CMC2: variants seen among roughly 807,000 people sequenced by gnomAD.
CMC2 encodes C-X9-C motif containing 2.
Under a neutral mutation model 7.5 loss-of-function variants are expected in CMC2, and 5 were observed. That is an observed-to-expected ratio of 0.66 (90% CI 0.35 to 1.40). CMC2 has a LOEUF of 1.40. Ranked by LOEUF, CMC2 falls within the 40% of genes most tolerant of loss-of-function variation. CMC2 has a pLI of 0.04. For missense variants in CMC2, 115 were observed against 92.3 expected (o/e 1.25, Z -1.01); for synonymous variants, 37 against 31.4 (o/e 1.18, Z -0.60).
chr16:80,971,575 TATATATATATGTATGAAATCATGC>T lies in CMC2; in HGVS notation c.*4494_*4517del, dbSNP rs1490950633. ...GACATACATACATTTTATATATATA[TATATATATATGTATGAAATCATGC>T]ATATATATATATGTATGAAATCATG... On this transcript the variant is annotated 3_prime_UTR_variant, in exon 4 of 4. Transcript: ENST00000219400. The T allele has an allele frequency of 3.3e-4, 47 of 140,612 alleles. 2 individuals are homozygous for T. The highest frequency in any genetic ancestry group is 1.2e-3 in the African/African-American group (42 of 35,744). The allele number at this position is 140,612 out of a possible 1,614,324, so 8.7% of individuals were successfully genotyped here.
At chr16:80,990,099 T>TC (rs1253093796) in intron 2 of CMC2, among the ~76,000 whole-genome samples, 1 of 82,934 alleles carries the variant, frequency 1.2e-5, no homozygotes, top group East Asian at 3.0e-4. Flanking sequence ...TTTTTTTCAT[T>TC]CCCTCCCCTT....
At chr16:80,997,005 T>C (rs1968471854) in intron 2 of CMC2, 1 of 481,206 alleles carries the variant, frequency 2.1e-6, no homozygotes, top group Non-Finnish European at 4.0e-6. Context: ...GCGCTGAATA[T>C]AACTGTTCTA....
intron 2 of CMC2, among the ~76,000 whole-genome samples, chr16:80,988,803 A>G (rs1326140624): frequency 1.6e-5 from 1 of 64,198 alleles, no homozygotes; most frequent in Non-Finnish European, 5.7e-5. Context: ...ACGTCTTTTT[A>G]GTCTTTTTTT....
Position 80,973,398 on chromosome 16 carries a change from A to G in CMC2, c.*2695T>C, listed in dbSNP as rs915166889. 1.3e-5 allele frequency: 2 copies of G among 152,180 alleles called. No individual in the cohort carries two copies. The highest frequency in any genetic ancestry group is 4.8e-5 in the African/African-American group (2 of 41,426). 9.4% of individuals were successfully genotyped at this position (152,180 alleles called of 1,614,324 possible). On this transcript the variant is annotated 3_prime_UTR_variant, in exon 4 of 4. Coordinates refer to ENST00000219400, the MANE Select transcript of CMC2 (RefSeq NM_020188.5). ...TTTGGGTGCACTTGAGAGAAAAACA[A>G]TATTGAGGGGGCCCTTACTTTGTGC...
At chr16:80,982,167 A>C (rs1036034263) in intron 2 of CMC2, among the ~76,000 whole-genome samples, 5 of 152,208 alleles carry the variant, frequency 3.3e-5, no homozygotes, top group African/African-American at 1.2e-4. Context: ...GCCTAGAAAT[A>C]TCAAAAAAAT....
intron 2 of CMC2, chr16:80,991,640 CAAA>C (rs35116527): frequency 1.8e-4 from 32 of 177,900 alleles, no homozygotes; most frequent in East Asian, 1.5e-3. Context: ...ACCCTGTCTC[CAAA>C]AAAAAAAAAG....
rs1160088126 is a variant in CMC2 at position 80,979,090 on chromosome 16, A to AAT, written c.153+2715_153+2716insAT. On this transcript the variant is annotated intron_variant, in intron 3 of 3. Coordinates refer to ENST00000219400, the MANE Select transcript of CMC2 (RefSeq NM_020188.5). Reference sequence around the variant, plus strand: ...AGTGAGACTCTGGCAAAAAAAATAAAAAAATAAAAAAGCTTCATGGAATGA... The same window carrying AAT: ...AGTGAGACTCTGGCAAAAAAAATAAAATAAAATAAAAAAGCTTCATGGAATGA... 4.4e-3 allele frequency among the ~76,000 whole-genome samples: 675 copies of AAT among 151,996 alleles called. 7 individuals are homozygous for AAT. The highest frequency in any genetic ancestry group is 0.015 in the African/African-American group (626 of 41,318).
chr16:80,992,018 C>A lies in CMC2; in HGVS notation c.81+5296G>T, dbSNP rs1968035718. On this transcript the variant is annotated intron_variant, in intron 2 of 3. Coordinates refer to ENST00000219400, the MANE Select transcript of CMC2 (RefSeq NM_020188.5). The stretch of plus-strand genomic sequence containing the variant: ...CTGAAGCAATCTGAGTAAGCATGGA[C>A]TTTAAATAACGATCATGTATCAATA... 4.6e-6 allele frequency: 2 copies of A among 439,408 alleles called. 1 individual carries two copies. The highest frequency in any genetic ancestry group is 6.7e-4 in the Middle Eastern group (2 of 2,974). The allele number at this position is 439,408 out of a possible 1,614,324, so 27.2% of individuals were successfully genotyped here.
chr16:81,000,814 T>C (rs1024142624), intron 1 of CMC2, among the ~76,000 whole-genome samples: 3 of 152,182 alleles, frequency 2.0e-5, no homozygotes, highest in Non-Finnish European at 2.9e-5. Context: ...TTAAAACAGC[T>C]ACCACTAGAT....
At chr16:81,001,237 T>C (rs896670095) in intron 1 of CMC2, 1 of 152,206 alleles carries the variant, frequency 6.6e-6, no homozygotes, top group African/African-American at 2.4e-5. Flanking sequence ...TTAGGTACTA[T>C]GCTCACTTAC....
intron 2 of CMC2, chr16:80,988,561 C>T (rs1967722095): frequency 1.4e-6 from 1 of 701,834 alleles, no homozygotes; most frequent in Non-Finnish European, 2.6e-6. Context: ...AGCTTTTCTT[C>T]TGAACCGAGT....
intron 2 of CMC2, among the ~76,000 whole-genome samples, chr16:80,987,683 T>A (rs895984621): frequency 1.3e-5 from 2 of 152,086 alleles, no homozygotes; most frequent in Admixed American, 1.3e-4. Context: ...ACGGAAAGAA[T>A]GATAAAAGCA....
chr16:80,988,928 A>AT (rs1260108873), intron 2 of CMC2, among the ~76,000 whole-genome samples: 8 of 152,022 alleles, frequency 5.3e-5, no homozygotes, highest in African/African-American at 1.7e-4. Context: ...ATTTTGCAAA[A>AT]TGCTCCCCCA....
chr16:80,988,870 C>G (rs975490362), intron 2 of CMC2, among the ~76,000 whole-genome samples: 2 of 151,738 alleles, frequency 1.3e-5, no homozygotes, highest in Non-Finnish European at 2.9e-5. Context: ...AACAGCTTGT[C>G]TCTTTTTTCT....
At chr16:80,979,608 T>TA (rs1237329407) in intron 3 of CMC2, among the ~76,000 whole-genome samples, 7 of 151,478 alleles carry the variant, frequency 4.6e-5, no homozygotes, top group Admixed American at 1.3e-4. Flanking sequence ...TTTATTTATT[T>TA]TTTATTTTAT....
At chr16:80,990,158 C>T (rs1156407375) in intron 2 of CMC2, among the ~76,000 whole-genome samples, 1 of 151,552 alleles carries the variant, frequency 6.6e-6, no homozygotes, top group Non-Finnish European at 1.5e-5. Context: ...ATGAATTATA[C>T]AAAACATATA....
At chr16:80,980,920 C>G (rs374617009) in intron 3 of CMC2, 66 of 683,114 alleles carry the variant, frequency 9.7e-5, no homozygotes, top group East Asian at 4.4e-4. Context: ...CAAACTATTA[C>G]TCTTCACTGA....
intron 1 of CMC2, among the ~76,000 whole-genome samples, chr16:80,999,511 C>A (rs28825110): frequency 0.024 from 3,691 of 152,176 alleles, 133 homozygotes; most frequent in African/African-American, 0.084. Flanking sequence ...ACATATTCAA[C>A]ACTACTCCTA....
intron 3 of CMC2, among the ~76,000 whole-genome samples, chr16:80,979,321 G>C (rs563028711): frequency 1.2e-3 from 183 of 152,164 alleles, no homozygotes; most frequent in Non-Finnish European, 1.7e-3. Context: ...AGAATTCAAA[G>C]AGAAAACATG....
Sources: gnomAD v4.1 joint callset for allele counts (sites outside exome capture counted in the v4.1 genomes callset) on GRCh38, gnomAD v4.1.1 for gene constraint, MANE v1.5 for transcripts, NCBI Gene and HGNC (gene_info 2026-07-23, HGNC 2026-07-21) for gene names.